Variants in MMP26 observed in about 807,000 individuals in gnomAD.
MMP26 encodes matrix metallopeptidase 26.
Under a neutral mutation model 31.0 loss-of-function variants are expected in MMP26, and 33 were observed. The ratio of observed to expected loss-of-function variants is 1.06; its 90% confidence interval spans 0.81 to 1.42. MMP26 has a LOEUF of 1.42. Ranked by LOEUF, MMP26 falls within the 40% of genes most tolerant of loss-of-function variation. MMP26 has a pLI of 0.00. For missense variants in MMP26, 347 were observed against 316.1 expected (o/e 1.10, Z -0.74); for synonymous variants, 122 against 114.9 (o/e 1.06, Z -0.40).
In MMP26 at chr11:4,935,261, G is replaced by T. The variant is rs1027606105; in HGVS notation, c.-144-52807G>T. On this transcript the variant is annotated intron_variant, in intron 2 of 7. Coordinates refer to ENST00000380390, the MANE Select transcript of MMP26 (RefSeq NM_021801.5). ...TCCTCTTTTATTTCATTGAGCAGTG[G>T]TTTGTAGTTCTCCTTGAAGAGGTCC... 3.3e-4 allele frequency among the ~76,000 whole-genome samples: 50 copies of T among 150,872 alleles called. 1 individual carries two copies. The highest frequency in any genetic ancestry group is 1.0e-3 in the African/African-American group (42 of 41,274).
At chr11:4,915,383 G>T (rs16907312) in intron 2 of MMP26, 213,111 of 1,613,702 alleles carry the variant, frequency 0.13, 16,755 homozygotes, top group African/African-American at 0.28. Flanking sequence ...AATTTCTCGT[G>T]CTCCAACCCA....
chr11:4,766,455 T>A (rs1412399450), intron 1 of MMP26, among the ~76,000 whole-genome samples: 1 of 152,024 alleles, frequency 6.6e-6, no homozygotes, highest in East Asian at 1.9e-4. Context: ...CGGATACAGA[T>A]GTAACATCAC....
At chr11:4,847,681 C>A in intron 2 of MMP26, 1 of 152,144 alleles carries the variant, frequency 6.6e-6, no homozygotes, top group Non-Finnish European at 1.5e-5. Flanking sequence ...AATTATATTC[C>A]CTCTTTTTTT....
chr11:4,705,984 T>TGG (rs1236076044), intron 1 of MMP26, among the ~76,000 whole-genome samples: 1 of 69,638 alleles, frequency 1.4e-5, no homozygotes, highest in African/African-American at 8.3e-5. Context: ...GTGGTGGTGG[T>TGG]GGTGGTGGGG....
intron 2 of MMP26, among the ~76,000 whole-genome samples, chr11:4,854,069 A>C (rs1368771639): frequency 6.6e-6 from 1 of 152,138 alleles, no homozygotes; most frequent in Non-Finnish European, 1.5e-5. Flanking sequence ...TCATGTACTC[A>C]CTCATGATAA....
At chr11:4,826,453 T>C (rs563464524) in intron 2 of MMP26, among the ~76,000 whole-genome samples, 16 of 152,202 alleles carry the variant, frequency 1.1e-4, no homozygotes, top group Non-Finnish European at 1.6e-4. Flanking sequence ...TGGCCTATTA[T>C]GCCTATGGTT....
chr11:4,802,896 A>C (rs1050859628), intron 2 of MMP26, among the ~76,000 whole-genome samples: 9 of 152,172 alleles, frequency 5.9e-5, no homozygotes, highest in African/African-American at 1.7e-4. Flanking sequence ...TATTCAACAG[A>C]GTATTGCTTC....
chr11:4,943,430 T>G (rs1315168405), intron 2 of MMP26: 1 of 455,752 alleles, frequency 2.2e-6, no homozygotes, highest in Non-Finnish European at 4.4e-6. Flanking sequence ...CTCAAGGTAA[T>G]TTGTTTAACC....
intron 2 of MMP26, among the ~76,000 whole-genome samples, chr11:4,912,214 G>C (rs1055077785): frequency 1.3e-5 from 2 of 152,140 alleles, no homozygotes; most frequent in African/African-American, 4.8e-5. Flanking sequence ...AGACAGCCTT[G>C]TGGGGTAGAC....
At chr11:4,867,849 CT>C (rs1340852901) in intron 2 of MMP26, among the ~76,000 whole-genome samples, 17 of 152,032 alleles carry the variant, frequency 1.1e-4, no homozygotes, top group African/African-American at 3.6e-4. Flanking sequence ...CCTCAAAGAC[CT>C]AGAGGCAGAA....
chr11:4,850,986 T>C (rs899726066), intron 2 of MMP26, among the ~76,000 whole-genome samples: 4 of 152,236 alleles, frequency 2.6e-5, no homozygotes, highest in Admixed American at 2.6e-4. Context: ...CACAGACTTT[T>C]AAAAAGCAAT....
intron 1 of MMP26, chr11:4,722,908 G>A: frequency 1.3e-6 from 1 of 788,610 alleles, no homozygotes; most frequent in South Asian, 1.3e-5. Flanking sequence ...GGCCCCCATA[G>A]GCCGAGCTTA....
chr11:4,866,612 G>T (rs187357459), intron 2 of MMP26, among the ~76,000 whole-genome samples: 22 of 152,182 alleles, frequency 1.4e-4, no homozygotes, highest in Admixed American at 3.3e-4. Context: ...CCAAAAAAGA[G>T]CCTGAATAGC....
chr11:4,805,476 A>G (rs4910684), intron 2 of MMP26, among the ~76,000 whole-genome samples: 27,671 of 152,112 alleles, frequency 0.18, 2,938 homozygotes, highest in African/African-American at 0.28. Flanking sequence ...GTGTGTTCCA[A>G]TAAACCTTTG....
chr11:4,809,270 A>G (rs1292461259), intron 2 of MMP26, among the ~76,000 whole-genome samples: 4 of 152,224 alleles, frequency 2.6e-5, no homozygotes, highest in Non-Finnish European at 5.9e-5. Context: ...AACTAAGGAC[A>G]TAACACGTTT....
chr11:4,705,130 G>C (rs1847757836), intron 1 of MMP26, 85 bp downstream of exon 1: 1 of 152,192 alleles, frequency 6.6e-6, no homozygotes. Flanking sequence ...AAACGCGGAA[G>C]TATTCAGAGT....
intron 1 of MMP26, among the ~76,000 whole-genome samples, chr11:4,734,906 T>C (rs563529553): frequency 3.5e-4 from 45 of 130,044 alleles, no homozygotes; most frequent in South Asian, 1.0e-3. Flanking sequence ...GAAAGGGTGA[T>C]GGGTCCCCAG....
Position 4,988,295 on chromosome 11 carries a change from A to T in MMP26, c.84A>T (p.Gly28=). ...TGCCCCCTGCTGCAGACCATAAAGG[A>T]TGGGACTTTGTTGAGGTAGGTGAAC... The part of the protein sequence containing the change: ...VPVPPAADHK[G]WDFVEGYFHQ... Residue 28 remains glycine (G), a synonymous_variant, in exon 3 of 8, where the codon GGA becomes GGT. Transcript: ENST00000380390. The T allele has an allele frequency of 6.2e-7, 1 of 1,613,858 alleles. No individual in the cohort carries two copies. Among genetic ancestry groups the T allele is most frequent in the Middle Eastern group, 1.6e-4 (1 of 6,062 alleles).
intron 2 of MMP26, among the ~76,000 whole-genome samples, chr11:4,808,804 G>A (rs907939560): frequency 6.7e-6 from 1 of 150,008 alleles, no homozygotes; most frequent in African/African-American, 2.5e-5. Flanking sequence ...GGCTGCCCTG[G>A]TATCCAAGAC....
Sources: allele counts gnomAD v4.1 joint callset (sites outside exome capture counted in the v4.1 genomes callset), GRCh38; gene constraint gnomAD v4.1.1; transcripts MANE v1.5; gene names NCBI Gene and HGNC (gene_info 2026-07-23, HGNC 2026-07-21).